RIT2: variants seen among roughly 807,000 people sequenced by gnomAD.
RIT2 encodes the protein Ras like without CAAX 2.
A neutral mutation model predicts 23.7 loss-of-function variants in RIT2; 24 were observed. That is an observed-to-expected ratio of 1.01 (90% CI 0.73 to 1.43). RIT2 has a LOEUF of 1.43. RIT2 is among the 40% of genes most tolerant of loss of function. The probability of loss-of-function intolerance (pLI) is 0.00; values close to 1 mark genes in which losing one functional copy is unlikely to be tolerated. For synonymous variants in RIT2, 107 were observed against 91.1 expected (o/e 1.17, Z -0.99); for missense variants, 236 against 266.9 (o/e 0.88, Z 0.81).
At chr18:43,102,860 G>T (rs1367615453) in intron 1 of RIT2, among the ~76,000 whole-genome samples, 1 of 151,942 alleles carries the variant, frequency 6.6e-6, no homozygotes, top group Non-Finnish European at 1.5e-5. Flanking sequence ...CACCATGTTG[G>T]CCAGGCTGGT....
chr18:42,751,953 A>G (rs1913056276), intron 4 of RIT2, among the ~76,000 whole-genome samples: 1 of 152,118 alleles, frequency 6.6e-6, no homozygotes, highest in Non-Finnish European at 1.5e-5. Context: ...TCATGTTTTC[A>G]GGAAATTTCA....
At chr18:42,920,748 C>A in intron 4 of RIT2, 2 of 1,595,592 alleles carry the variant, frequency 1.3e-6, no homozygotes, top group Non-Finnish European at 1.7e-6. Flanking sequence ...CTTCCAAACT[C>A]TTTCAGTGTA....
chr18:42,758,784 G>A (rs1443429862), intron 4 of RIT2, among the ~76,000 whole-genome samples: 1 of 151,454 alleles, frequency 6.6e-6, no homozygotes, highest in Non-Finnish European at 1.5e-5. Context: ...CCAAAGTGCT[G>A]GGATTACAGG....
At chr18:42,824,799 G>GA (rs1365334330) in intron 4 of RIT2, among the ~76,000 whole-genome samples, 1 of 150,954 alleles carries the variant, frequency 6.6e-6, no homozygotes, top group East Asian at 1.9e-4. Context: ...AATTATGAGA[G>GA]AAAAAAACTA....
At chr18:42,852,731 C>T (rs2144038341) in intron 4 of RIT2, among the ~76,000 whole-genome samples, 2 of 152,190 alleles carry the variant, frequency 1.3e-5, no homozygotes, top group South Asian at 4.2e-4. Flanking sequence ...ACTTAATTCT[C>T]TTTTGAGACT....
At chr18:42,845,513 G>A (rs1275469634) in intron 4 of RIT2, among the ~76,000 whole-genome samples, 1 of 150,490 alleles carries the variant, frequency 6.6e-6, no homozygotes, top group Non-Finnish European at 1.5e-5. Context: ...TGACAAACTT[G>A]ACCTAATTAA....
chr18:42,944,808 A>G (rs574764958), intron 3 of RIT2, among the ~76,000 whole-genome samples: 1 of 152,238 alleles, frequency 6.6e-6, no homozygotes, highest in South Asian at 2.1e-4. Flanking sequence ...TTTTAGATTA[A>G]TACTCAAAGA....
intron 4 of RIT2, among the ~76,000 whole-genome samples, chr18:42,901,141 A>C (rs1908465546): frequency 6.6e-6 from 1 of 152,072 alleles, no homozygotes; most frequent in Admixed American, 6.6e-5. Flanking sequence ...GTTTAAGAAT[A>C]AATTTGATGA....
At chr18:42,919,495 C>G (rs1430049668) in intron 4 of RIT2, among the ~76,000 whole-genome samples, 1 of 152,102 alleles carries the variant, frequency 6.6e-6, no homozygotes, top group Non-Finnish European at 1.5e-5. Context: ...TGGAGGATCA[C>G]CTGAGGTCAG....
At chr18:42,886,151 G>A (rs1908017371) in intron 4 of RIT2, among the ~76,000 whole-genome samples, 1 of 152,208 alleles carries the variant, frequency 6.6e-6, no homozygotes, top group Non-Finnish European at 1.5e-5. Flanking sequence ...ATAAGCTGCT[G>A]ATTAAAGTAT....
intron 1 of RIT2, among the ~76,000 whole-genome samples, chr18:43,066,899 C>T (rs1462769187): frequency 6.6e-6 from 1 of 150,416 alleles, no homozygotes; most frequent in Non-Finnish European, 1.5e-5. Flanking sequence ...AGGAATAAGA[C>T]TGAAAATGTA....
intron 1 of RIT2, among the ~76,000 whole-genome samples, chr18:43,066,270 A>G (rs927301301): frequency 6.6e-6 from 1 of 152,184 alleles, no homozygotes; most frequent in Non-Finnish European, 1.5e-5. Flanking sequence ...GATCTAGAAC[A>G]TGCTTACAAT....
intron 3 of RIT2, among the ~76,000 whole-genome samples, chr18:42,944,900 C>T (rs1909691786): frequency 6.6e-6 from 1 of 151,850 alleles, no homozygotes; most frequent in African/African-American, 2.4e-5. Flanking sequence ...TTCAGTCATC[C>T]TAGGAGAGAG....
intron 3 of RIT2, among the ~76,000 whole-genome samples, chr18:42,953,607 T>C (rs749460058): frequency 3.3e-5 from 5 of 152,172 alleles, no homozygotes; most frequent in Non-Finnish European, 7.4e-5. Context: ...TTAACACCAT[T>C]TATTTCTTAT....
intron 3 of RIT2, among the ~76,000 whole-genome samples, chr18:42,954,833 C>T (rs1909935647): frequency 2.0e-5 from 3 of 152,058 alleles, no homozygotes; most frequent in Non-Finnish European, 1.5e-5. Context: ...AAAAATATGT[C>T]ACTTTACATT....
At chr18:42,777,133 CT>C (rs1913690888) in intron 4 of RIT2, among the ~76,000 whole-genome samples, 1 of 151,874 alleles carries the variant, frequency 6.6e-6, no homozygotes, top group Non-Finnish European at 1.5e-5. Context: ...GAATAATGTG[CT>C]ATTTACTGAG....
intron 2 of RIT2, among the ~76,000 whole-genome samples, chr18:43,032,795 A>G (rs1911887681): frequency 6.6e-6 from 1 of 152,192 alleles, no homozygotes; most frequent in Admixed American, 6.6e-5. Context: ...CAGCAATGGT[A>G]TGCAAGCAAA....
At chr18:42,978,215 A>T (rs753308195) in intron 2 of RIT2, among the ~76,000 whole-genome samples, 4 of 152,024 alleles carry the variant, frequency 2.6e-5, no homozygotes, top group Non-Finnish European at 5.9e-5. Context: ...ACGTATATCA[A>T]ATAAAAGCTT....
At chr18:43,003,695 T>C (rs1193512317) in intron 2 of RIT2, among the ~76,000 whole-genome samples, 1 of 151,472 alleles carries the variant, frequency 6.6e-6, no homozygotes, top group Non-Finnish European at 1.5e-5. Context: ...AGTAAAACTT[T>C]TGTCTTTCTG....
Sources: gnomAD v4.1 joint callset for allele counts (sites outside exome capture counted in the v4.1 genomes callset) on GRCh38, gnomAD v4.1.1 for gene constraint, MANE v1.5 for transcripts, NCBI Gene and HGNC (gene_info 2026-07-23, HGNC 2026-07-21) for gene names.